The following DNAAF9 variants were observed in gnomAD, a reference collection of about 807,000 sequenced individuals.
DNAAF9 encodes dynein axonemal assembly factor 9.
A neutral mutation model predicts 167.0 loss-of-function variants in DNAAF9; 90 were observed. The ratio of observed to expected loss-of-function variants is 0.54; its 90% CI spans 0.45 to 0.64. The LOEUF is 0.64. Ranked by LOEUF, DNAAF9 falls within the 30% of genes least tolerant of loss-of-function variation. DNAAF9 has a pLI of 0.00. For synonymous variants in DNAAF9, 491 were observed against 508.8 expected (o/e 0.96, Z 0.47); for missense variants, 1,315 against 1,442.2 (o/e 0.91, Z 1.43).
At chr20:3,275,837 A>G (rs1192942613) in intron 29 of DNAAF9, among the ~76,000 whole-genome samples, 2 of 152,218 alleles carry the variant, frequency 1.3e-5, no homozygotes, top group Non-Finnish European at 2.9e-5. Flanking sequence ...CCAAGAGCAG[A>G]GAAACATCCC....
intron 28 of DNAAF9, among the ~76,000 whole-genome samples, chr20:3,279,534 C>G (rs2068730989): frequency 6.6e-6 from 1 of 152,180 alleles, no homozygotes; most frequent in African/African-American, 2.4e-5. Context: ...GAGAAAAACT[C>G]ATATTCTCAC....
chr20:3,262,941 T>G (rs1413300537), intron 31 of DNAAF9, among the ~76,000 whole-genome samples: 1 of 151,808 alleles, frequency 6.6e-6, no homozygotes, highest in Non-Finnish European at 1.5e-5. Context: ...TTTTTTTGGT[T>G]TTGTTTTTTA....
chr20:3,348,904 G>A (rs2070251952), intron 7 of DNAAF9, among the ~76,000 whole-genome samples: 2 of 152,104 alleles, frequency 1.3e-5, no homozygotes, highest in African/African-American at 4.8e-5. Flanking sequence ...GTAGACTAGT[G>A]GTTGCCTGGG....
intron 10 of DNAAF9, 30 bp from the exon 11 acceptor site, chr20:3,332,391 A>AG: frequency 8.3e-7 from 1 of 1,202,308 alleles, no homozygotes; most frequent in South Asian, 1.2e-5. Context: ...AAAAATAAAA[A>AG]GGGGCAATAA....
chr20:3,315,140 A>G lies in DNAAF9; in HGVS notation c.1591-20T>C, dbSNP rs1401759244. 6.9e-7 allele frequency: 1 copy of G among 1,448,590 alleles called. No homozygotes were observed. The highest frequency in any genetic ancestry group is 1.1e-5 in the South Asian group (1 of 87,388). 89.7% of individuals were successfully genotyped at this position (1,448,590 alleles called of 1,614,324 possible). Reference sequence around the variant, plus strand: ...ATCCCCCTTTAAAAACAACAACAAAAACAAAAATCCAAAAAAGAATAGGTG... The same window carrying G: ...ATCCCCCTTTAAAAACAACAACAAAGACAAAAATCCAAAAAAGAATAGGTG... On this transcript the variant is annotated intron_variant, in intron 19 of 36. Coordinates refer to ENST00000252032, the MANE Select transcript of DNAAF9 (RefSeq NM_001009984.3). The surrounding 1 kb of genome is among the most constrained non-coding windows in gnomAD (Gnocchi z 4.1).
At chr20:3,268,824 T>C (rs958223245) in intron 30 of DNAAF9, among the ~76,000 whole-genome samples, 11 of 151,378 alleles carry the variant, frequency 7.3e-5, no homozygotes, top group African/African-American at 2.7e-4. Context: ...ACAAACAAAA[T>C]CACTAATTCT....
chr20:3,285,043 C>CAAT (rs1220287869), intron 27 of DNAAF9, among the ~76,000 whole-genome samples: 1 of 152,168 alleles, frequency 6.6e-6, no homozygotes, highest in Non-Finnish European at 1.5e-5. Context: ...TGACCTCTGT[C>CAAT]AATCACTAAT....
chr20:3,322,125 G>T, intron 16 of DNAAF9, 92 bp downstream of exon 16: 1 of 861,472 alleles, frequency 1.2e-6, no homozygotes, highest in Admixed American at 2.0e-5. Flanking sequence ...GGGGTGGGCT[G>T]CCCAAGACCC....
rs181662203 is a variant in DNAAF9, at chr20:3,331,875, T to C, written c.1063+405A>G. On this transcript the variant is annotated intron_variant, in intron 11 of 36. Coordinates refer to ENST00000252032, the MANE Select transcript of DNAAF9 (RefSeq NM_001009984.3). ...TTTTAGTAGAGATGGGGTTTTGCCA[T>C]GTTGGCCAGGCTGGTCTCAAACTCC... is the stretch of plus-strand genomic sequence containing the variant. 2.8e-3 allele frequency among the ~76,000 whole-genome samples: 434 copies of C among 152,310 alleles called. 2 individuals are homozygous for C. Among genetic ancestry groups the C allele is most frequent in the African/African-American group, 0.01 (419 of 41,562 alleles).
chr20:3,291,965 C>T (rs969731211), intron 25 of DNAAF9, among the ~76,000 whole-genome samples: 19 of 152,004 alleles, frequency 1.2e-4, no homozygotes, highest in Admixed American at 1.2e-3. Context: ...TACATACAGC[C>T]AGACATGTTT....
intron 1 of DNAAF9, among the ~76,000 whole-genome samples, chr20:3,396,866 T>C (rs184396724): frequency 6.6e-6 from 1 of 152,306 alleles, no homozygotes; most frequent in East Asian, 1.9e-4. Context: ...AAAAGAGGTA[T>C]GACATACATT....
intron 35 of DNAAF9, among the ~76,000 whole-genome samples, chr20:3,254,040 G>T (rs1413706647): frequency 6.6e-6 from 1 of 151,942 alleles, no homozygotes; most frequent in Admixed American, 6.6e-5. Context: ...AAGTTCCCAC[G>T]GTGTGCAGTG....
At chr20:3,399,783 C>T (rs949910875) in intron 1 of DNAAF9, among the ~76,000 whole-genome samples, 1 of 152,174 alleles carries the variant, frequency 6.6e-6, no homozygotes, top group Non-Finnish European at 1.5e-5. Context: ...AGAACACAAA[C>T]ACAGAAGAGG....
chr20:3,331,259 T>C (rs1368483251), intron 11 of DNAAF9, among the ~76,000 whole-genome samples: 3 of 152,160 alleles, frequency 2.0e-5, no homozygotes, highest in Non-Finnish European at 4.4e-5. Context: ...AATGTTTTTG[T>C]TTTTATTTTT....
Position 3,290,112 on chromosome 20 carries a change from G to A in DNAAF9, c.2327+17C>T. The A allele has an allele frequency of 6.5e-7, 1 of 1,532,162 alleles. No individual in the cohort carries two copies. The highest frequency in any genetic ancestry group is 9.0e-7 in the Non-Finnish European group (1 of 1,105,436). 94.9% of individuals were successfully genotyped at this position (1,532,162 alleles called of 1,614,324 possible). On this transcript the variant is annotated intron_variant, in intron 26 of 36. Transcript: ENST00000252032. ...TAGAATCCCTTTCCCCAAAGCAAAG[G>A]CATCAGCCATACTAACCTGCCACAT...
intron 25 of DNAAF9, among the ~76,000 whole-genome samples, chr20:3,291,206 T>G (rs1213323495): frequency 6.6e-6 from 1 of 152,170 alleles, no homozygotes; most frequent in East Asian, 1.9e-4. Flanking sequence ...TAGGTCCCCT[T>G]TCAGGTAGAT....
intron 6 of DNAAF9, 39 bp from the exon 7 acceptor site, chr20:3,359,632 A>G (rs754978089): frequency 1.5e-6 from 2 of 1,355,968 alleles, no homozygotes; most frequent in Middle Eastern, 1.8e-4. Context: ...AATTAAGTCA[A>G]TATCATTAGG....
At chr20:3,306,892 G>A in intron 20 of DNAAF9, 1 of 985,018 alleles carries the variant, frequency 1.0e-6, no homozygotes, top group Non-Finnish European at 1.2e-6. Context: ...ACTGTTTCCA[G>A]AGATAAGAGG....
intron 27 of DNAAF9, among the ~76,000 whole-genome samples, chr20:3,285,554 C>T (rs970954369): frequency 2.0e-5 from 3 of 152,074 alleles, no homozygotes; most frequent in African/African-American, 7.2e-5. Context: ...TGGTGAGCAC[C>T]TGTAATCCCA....
Sources: allele counts gnomAD v4.1 joint callset (sites outside exome capture counted in the v4.1 genomes callset), GRCh38; gene constraint gnomAD v4.1.1; non-coding constraint Gnocchi (gnomAD v3.1); transcripts MANE v1.5; gene names NCBI Gene and HGNC (gene_info 2026-07-23, HGNC 2026-07-21).